The following CDH13 variants were observed in gnomAD, a reference collection of about 807,000 sequenced individuals.
CDH13 encodes cadherin-13.
A neutral mutation model predicts 63.8 loss-of-function variants in CDH13; 24 were observed. That is an observed-to-expected ratio of 0.38 (90% CI 0.27 to 0.53). The LOEUF is 0.53. CDH13 is among the 20% of genes least tolerant of loss of function. CDH13 has a pLI of 0.85. For synonymous variants in CDH13, 503 were observed against 355.3 expected (o/e 1.42, Z -4.67); for missense variants, 1,049 against 903.1 (o/e 1.16, Z -2.07).
intron 1 of CDH13, among the ~76,000 whole-genome samples, chr16:82,632,671 G>A (rs755331908): frequency 6.6e-6 from 1 of 152,150 alleles, no homozygotes; most frequent in Non-Finnish European, 1.5e-5. Flanking sequence ...ACCAGGGACC[G>A]GTTTCGTGGA....
chr16:82,787,857 C>G (rs1054701570), intron 1 of CDH13, among the ~76,000 whole-genome samples: 1 of 1,774 alleles, frequency 5.6e-4, no homozygotes, highest in Non-Finnish European at 2.0e-3. Context: ...TGTGTGATCT[C>G]AAAAGCCATC....
intron 1 of CDH13, among the ~76,000 whole-genome samples, chr16:82,702,996 C>A (rs1183803787): frequency 6.6e-6 from 1 of 152,158 alleles, no homozygotes; most frequent in Non-Finnish European, 1.5e-5. Flanking sequence ...ACTGCTGGAG[C>A]TGTGGTCAGC....
rs2092130743 is a variant in CDH13, at chr16:83,411,842, C to T, written c.781+66836C>T. On this transcript the variant is annotated intron_variant, in intron 6 of 13. Transcript: ENST00000567109. ...TCATATGTGTACTGGCATCTGACTT[C>T]TCATTTAGTCCTCATAACAAGTTTA... Among the ~76,000 whole-genome samples, 2 of 152,208 alleles carry T rather than the reference C, an allele frequency of 1.3e-5. 1 individual carries two copies. Among genetic ancestry groups the T allele is most frequent in the South Asian group, 4.1e-4 (2 of 4,830 alleles).
At chr16:82,832,265 G>T (rs944757979) in intron 1 of CDH13, among the ~76,000 whole-genome samples, 9 of 152,078 alleles carry the variant, frequency 5.9e-5, no homozygotes, top group Admixed American at 5.9e-4. Context: ...ATAAATGGCA[G>T]AATATTAACC....
At chr16:83,338,914 C>G (rs1406746165) in intron 5 of CDH13, among the ~76,000 whole-genome samples, 2 of 152,088 alleles carry the variant, frequency 1.3e-5, no homozygotes, top group East Asian at 3.8e-4. Flanking sequence ...TGCTGTTTTT[C>G]CTAAGAGTGA....
intron 7 of CDH13, among the ~76,000 whole-genome samples, chr16:83,567,723 A>G (rs1260387291): frequency 6.6e-6 from 1 of 152,012 alleles, no homozygotes; most frequent in East Asian, 1.9e-4. Flanking sequence ...AGCCTCCTGA[A>G]TAGCTGGCAC....
At chr16:83,316,709 C>T (rs1330095130) in intron 5 of CDH13, among the ~76,000 whole-genome samples, 3 of 152,206 alleles carry the variant, frequency 2.0e-5, no homozygotes, top group Non-Finnish European at 2.9e-5. Context: ...CGAGTGCCCA[C>T]ACTCTGCATG....
chr16:83,681,896 G>A (rs1030712777), intron 10 of CDH13, among the ~76,000 whole-genome samples: 2 of 152,034 alleles, frequency 1.3e-5, no homozygotes, highest in Non-Finnish European at 2.9e-5. Flanking sequence ...TGTTACTGCT[G>A]TTGTGATGAT....
intron 2 of CDH13, among the ~76,000 whole-genome samples, chr16:82,888,863 G>A (rs377395097): frequency 1.3e-5 from 2 of 152,204 alleles, no homozygotes; most frequent in East Asian, 3.8e-4. Flanking sequence ...CTTGTGGCCG[G>A]TTATAAAATG....
At chr16:83,032,454 A>T (rs939967431) in intron 3 of CDH13, 1 of 510,016 alleles carries the variant, frequency 2.0e-6, no homozygotes, top group Non-Finnish European at 3.5e-6. Flanking sequence ...TTTTAGGGAT[A>T]CTTCTGCCTT....
At chr16:83,150,692 C>G (rs1428738753) in intron 4 of CDH13, among the ~76,000 whole-genome samples, 1 of 152,098 alleles carries the variant, frequency 6.6e-6, no homozygotes, top group Non-Finnish European at 1.5e-5. Context: ...TTACTATATG[C>G]TTATATAGTA....
At chr16:82,764,959 C>G (rs8054663) in intron 1 of CDH13, among the ~76,000 whole-genome samples, 1 of 151,958 alleles carries the variant, frequency 6.6e-6, no homozygotes, top group South Asian at 2.1e-4. Flanking sequence ...AAACTACAGA[C>G]GTGTGCCACT....
intron 1 of CDH13, among the ~76,000 whole-genome samples, chr16:82,760,396 C>G (rs1005981649): frequency 4.6e-5 from 7 of 152,094 alleles, no homozygotes; most frequent in African/African-American, 1.7e-4. Context: ...TCATTTGCAT[C>G]TAGTGTAAAA....
chr16:83,565,665 TG>T (rs1904275524), intron 7 of CDH13, among the ~76,000 whole-genome samples: 1 of 152,182 alleles, frequency 6.6e-6, no homozygotes, highest in Admixed American at 6.5e-5. Context: ...TGGGGACCTC[TG>T]GGCATTCTCC....
intron 1 of CDH13, among the ~76,000 whole-genome samples, chr16:82,817,350 T>A (rs539800824): frequency 5.9e-5 from 9 of 152,246 alleles, no homozygotes; most frequent in Non-Finnish European, 1.0e-4. Flanking sequence ...TCTTTAGGAA[T>A]GGTTTCTGCT....
intron 11 of CDH13, among the ~76,000 whole-genome samples, chr16:83,765,085 T>C (rs148187095): frequency 6.6e-6 from 1 of 152,340 alleles, no homozygotes; most frequent in East Asian, 1.9e-4. Flanking sequence ...GCCACAAGTA[T>C]TTTATTATCA....
intron 5 of CDH13, among the ~76,000 whole-genome samples, chr16:83,287,328 G>A (rs1312920245): frequency 2.6e-5 from 4 of 152,186 alleles, no homozygotes; most frequent in Non-Finnish European, 5.9e-5. Context: ...ACGGGCCACA[G>A]GCCAGTACTA....
chr16:82,870,933 A>AT (rs146933941), intron 2 of CDH13, among the ~76,000 whole-genome samples: 6,722 of 152,228 alleles, frequency 0.044, 496 homozygotes, highest in African/African-American at 0.15. Context: ...TATCTTTCTG[A>AT]TATCCAGTAG....
chr16:83,459,065 C>T (rs1445011914), intron 6 of CDH13, among the ~76,000 whole-genome samples: 1 of 152,208 alleles, frequency 6.6e-6, no homozygotes, highest in East Asian at 1.9e-4. Context: ...AATCTAAGAA[C>T]CAAGATGGCC....
Sources: allele counts gnomAD v4.1 joint callset (sites outside exome capture counted in the v4.1 genomes callset), GRCh38; gene constraint gnomAD v4.1.1; transcripts MANE v1.5; gene names NCBI Gene and HGNC (gene_info 2026-07-23, HGNC 2026-07-21).